SNX5: variants seen among roughly 807,000 people sequenced by gnomAD.
The protein encoded by SNX5 is sorting nexin 5.
A neutral mutation model predicts 53.9 loss-of-function variants in SNX5; 31 were observed. The observed-to-expected ratio is 0.58, with a 90% CI of 0.43 to 0.78. The LOEUF (loss-of-function observed/expected upper bound fraction) is 0.78, where lower values mean the gene tolerates loss of function less well. Ranked by LOEUF, SNX5 falls within the 30% of genes least tolerant of loss-of-function variation. The probability of loss-of-function intolerance (pLI) is 0.00; values close to 1 mark genes in which losing one functional copy is unlikely to be tolerated. For missense variants in SNX5, 471 were observed against 478.8 expected, an observed-to-expected ratio of 0.98 and a Z score of 0.15; for synonymous variants, 168 against 171.1, an observed-to-expected ratio of 0.98 and a Z score of 0.14.
chr20:17,964,740 C>T (rs769472885), intron 1 of SNX5, among the ~76,000 whole-genome samples: 1 of 152,158 alleles, frequency 6.6e-6, no homozygotes, highest in Non-Finnish European at 1.5e-5. Context: ...AGGGTACTAA[C>T]CTATAGATCT....
At position 17,948,890 on chromosome 20, in the gene SNX5, C is replaced by T. The variant is rs6075268; in HGVS notation, c.918G>A (p.Lys306=). ...RYYMLNIEAA[K]DLLYRRTKAL... is the part of the protein sequence containing the mutation. ...AGAAGCTGAGCAACTCTCTTCCTACCTTAGCAGCTTCAATGTTGAGCATGT... is the reference window on the plus strand; with the variant it reads ...AGAAGCTGAGCAACTCTCTTCCTACTTTAGCAGCTTCAATGTTGAGCATGT... The change falls in exon 10 of 13, where the codon AAG becomes AAA. Residue 306 remains lysine, a splice_region_variant and synonymous_variant. Transcript: ENST00000377759. 6.2e-7 allele frequency: 1 copy of T among 1,611,506 alleles called. No homozygotes were observed. The highest frequency in any genetic ancestry group is 2.2e-5 in the East Asian group (1 of 44,866).
intron 1 of SNX5, 36 bp downstream of exon 1, chr20:17,968,339 C>T: frequency 8.0e-7 from 1 of 1,256,392 alleles, no homozygotes; most frequent in Non-Finnish European, 1.0e-6. Context: ...CTCGCAGGGC[C>T]GCCCGCCCAG....
intron 1 of SNX5, chr20:17,961,128 G>GC: frequency 1.0e-6 from 1 of 985,310 alleles, no homozygotes; most frequent in Non-Finnish European, 1.2e-6. Flanking sequence ...GAATCCCTGT[G>GC]CATTTCCTCA....
intron 1 of SNX5, chr20:17,961,990 A>G (rs1378676570): frequency 2.0e-6 from 2 of 976,560 alleles, no homozygotes; most frequent in Non-Finnish European, 2.4e-6. Context: ...GATTCACATG[A>G]TACATATTTA....
intron 1 of SNX5, among the ~76,000 whole-genome samples, chr20:17,965,088 C>T (rs941683553): frequency 2.6e-5 from 4 of 152,152 alleles, no homozygotes; most frequent in Admixed American, 2.0e-4. Context: ...CTGAAAAATT[C>T]GCAACAAGCA....
chr20:17,953,506 CA>C, intron 4 of SNX5, among the ~76,000 whole-genome samples: 1 of 152,298 alleles, frequency 6.6e-6, no homozygotes, highest in East Asian at 1.9e-4. Context: ...TGGCCTGGCC[CA>C]GGGGCAGCTC....
intron 3 of SNX5, 133 bp downstream of exon 3, chr20:17,955,232 C>T (rs2035333272): frequency 3.2e-6 from 2 of 633,150 alleles, no homozygotes; most frequent in Non-Finnish European, 5.6e-6. Context: ...ACTTGACAGT[C>T]AGCAAATACT....
Position 17,955,441 on chromosome 20 carries a change from GAA to G in SNX5, c.189_190del (p.Ser64CysfsTer6). 6.2e-7 allele frequency: 1 copy of G among 1,614,128 alleles called. No individual in the cohort carries two copies. The highest frequency in any genetic ancestry group is 8.5e-7 in the Non-Finnish European group (1 of 1,179,980). On this transcript the variant is annotated frameshift_variant, in exon 3 of 13. Coordinates refer to ENST00000377759, the MANE Select transcript of SNX5 (RefSeq NM_014426.4). LOFTEE classifies it high-confidence loss of function. The stretch of plus-strand genomic sequence containing the variant: ...AAAGTCTTCATGTTGCCTTGTAACA[GAA>G]AACTCTGGGCTCTGAAACGTGGGCA...
chr20:17,942,509 A>C (rs2039431651), intron 12 of SNX5, 102 bp from the exon 13 acceptor site: 1 of 851,860 alleles, frequency 1.2e-6, no homozygotes, highest in Non-Finnish European at 2.0e-6. Flanking sequence ...GGAGGTTTAA[A>C]GTCAGCCAGA....
At chr20:17,947,781 A>C (rs532058369) in intron 10 of SNX5, 136 bp from the exon 11 acceptor site, 1 of 700,162 alleles carries the variant, frequency 1.4e-6, no homozygotes, top group African/African-American at 1.8e-5. Flanking sequence ...AGTATTTTTA[A>C]ATCTCCAGCT....
rs186223318 is a variant in SNX5, at chr20:17,967,536, C to T, written c.51+839G>A. 4.2e-3 allele frequency among the ~76,000 whole-genome samples: 634 copies of T among 152,262 alleles called. 7 individuals are homozygous for T. The highest frequency in any genetic ancestry group is 6.8e-3 in the Middle Eastern group (2 of 294). ...TGTAAGTTAAGACGGCTCCAAATTA[C>T]ATTTTAAGAGAGCCTTGTATTTTTA... is the stretch of plus-strand genomic sequence containing the variant. On this transcript the variant is annotated intron_variant, in intron 1 of 12. Coordinates refer to ENST00000377759, the MANE Select transcript of SNX5 (RefSeq NM_014426.4).
rs769156235 is a variant in SNX5, at chr20:17,942,336, T to C, written c.*21A>G. 1.3e-6 allele frequency: 2 copies of C among 1,527,732 alleles called. No homozygotes were observed. Among genetic ancestry groups the C allele is most frequent in the Admixed American group, 1.7e-5 (1 of 59,872 alleles). 94.6% of individuals were successfully genotyped at this position (1,527,732 alleles called of 1,614,324 possible). ...TTGGCTTTCTTTCACATTCATTTCT[T>C]TTCTTCTGAGTGAAGGCATATCAGT... On this transcript the variant is annotated 3_prime_UTR_variant, in exon 13 of 13. Coordinates refer to ENST00000377759, the MANE Select transcript of SNX5 (RefSeq NM_014426.4).
Position 17,950,176 on chromosome 20 carries a change from G to A in SNX5, c.747C>T (p.Ala249=), listed in dbSNP as rs2122363494. 6 of 1,614,152 alleles carry A rather than the reference G, an allele frequency of 3.7e-6. No individual in the cohort carries two copies. Among genetic ancestry groups the A allele is most frequent in the Non-Finnish European group, 5.1e-6 (6 of 1,180,000 alleles). The change falls in exon 8 of 13, where the codon GCC becomes GCT. Residue 249 remains alanine (A), a synonymous_variant. Transcript: ENST00000377759. ...CTTCTAAAGCCAGGCTATGTAAGCA[G>A]GCTGCGGTGTGGATATAGTCATCGG... ...NVADDYIHTA[A]CLHSLALEEP... is the part of the protein sequence containing the mutation.
intron 1 of SNX5, chr20:17,967,809 A>C: frequency 2.8e-6 from 1 of 363,194 alleles, no homozygotes; most frequent in Non-Finnish European, 4.9e-6. Context: ...ATAGACACCA[A>C]GTTCAGCAAG....
chr20:17,960,874 A>T (rs1004250739), intron 1 of SNX5, among the ~76,000 whole-genome samples: 4 of 152,114 alleles, frequency 2.6e-5, no homozygotes, highest in Non-Finnish European at 5.9e-5. Context: ...AAAAATTTTT[A>T]AAAACCTGAC....
In SNX5 at chr20:17,955,358, G is replaced by A; in HGVS notation, c.267+7C>T. On this transcript the variant is annotated splice_region_variant and intron_variant, in intron 3 of 12. Coordinates refer to ENST00000377759, the MANE Select transcript of SNX5 (RefSeq NM_014426.4). The stretch of plus-strand genomic sequence containing the variant: ...AACTAGCTTATTTGATTTTCTAAAA[G>A]ACTCACAATAAGCCCAGCATAGTCT... The A allele has an allele frequency of 6.3e-7, 1 of 1,594,366 alleles. No individual in the cohort carries two copies. Among genetic ancestry groups the A allele is most frequent in the Non-Finnish European group, 8.6e-7 (1 of 1,163,628 alleles).
Position 17,950,321 on chromosome 20 carries a change from TCA to T in SNX5, c.683_684del (p.Val228GlufsTer3). On this transcript the variant is annotated frameshift_variant, in exon 7 of 13. Transcript: ENST00000377759. LOFTEE classifies it high-confidence loss of function. ...NYYNRIKDSC[V>X]KADKMTRSHK... Reference sequence around the variant, plus strand: ...TGAGATCTGGTCATTTTGTCAGCTTTCACACAAGAATCTTTGATCCTATTGTA... The same window carrying T: ...TGAGATCTGGTCATTTTGTCAGCTTTCACAAGAATCTTTGATCCTATTGTA... The T allele has an allele frequency of 6.2e-7, 1 of 1,613,670 alleles. No individual in the cohort carries two copies. The highest frequency in any genetic ancestry group is 8.5e-7 in the Non-Finnish European group (1 of 1,179,544).
At chr20:17,951,336 T>TA (rs1600339340) in intron 6 of SNX5, 164 bp downstream of exon 6, 1 of 600,610 alleles carries the variant, frequency 1.7e-6, no homozygotes, top group East Asian at 2.8e-5. Flanking sequence ...CTCTGGGAAA[T>TA]AAGTGAAAAT....
At chr20:17,961,952 A>AT (rs750191957) in intron 1 of SNX5, 6 of 979,992 alleles carry the variant, frequency 6.1e-6, no homozygotes, top group Non-Finnish European at 7.3e-6. Flanking sequence ...CACACTCTAG[A>AT]TTTGTATTAA....
Sources: allele counts gnomAD v4.1 joint callset (sites outside exome capture counted in the v4.1 genomes callset), GRCh38; gene constraint gnomAD v4.1.1; transcripts MANE v1.5; gene names NCBI Gene and HGNC (gene_info 2026-07-23, HGNC 2026-07-21).